METTL25: variants seen among roughly 807,000 people sequenced by gnomAD.
METTL25 encodes methyltransferase like 25.
In METTL25, 64 loss-of-function variants were observed where a neutral mutation model predicts 71.6. The ratio of observed to expected loss-of-function variants is 0.89; its 90% CI spans 0.73 to 1.10. The LOEUF (loss-of-function observed/expected upper bound fraction) is 1.10. Among genes scored for constraint, METTL25 ranks in the 50% least tolerant of loss-of-function variants. The probability of loss-of-function intolerance (pLI) is 0.00; values close to 1 mark genes in which losing one functional copy is unlikely to be tolerated. For synonymous variants in METTL25, 287 were observed against 250.3 expected (o/e 1.15, Z -1.38); for missense variants, 807 against 707.0 (o/e 1.14, Z -1.60).
intron 5 of METTL25, among the ~76,000 whole-genome samples, chr12:82,423,625 A>G (rs1444926746): frequency 6.6e-6 from 1 of 152,186 alleles, no homozygotes; most frequent in Admixed American, 6.5e-5. Flanking sequence ...ATGGGAGAAA[A>G]TTTTTGCAAT....
intron 1 of METTL25, among the ~76,000 whole-genome samples, chr12:82,371,594 C>A (rs1310110663): frequency 6.6e-6 from 1 of 152,102 alleles, no homozygotes; most frequent in Non-Finnish European, 1.5e-5. Context: ...CGGACTGTTC[C>A]TCTTGTTCCC....
intron 8 of METTL25, among the ~76,000 whole-genome samples, chr12:82,440,271 G>A (rs1366492551): frequency 6.6e-6 from 1 of 151,770 alleles, no homozygotes; most frequent in Non-Finnish European, 1.5e-5. Flanking sequence ...AATGACTCTT[G>A]AAATATGTAA....
chr12:82,376,923 G>T (rs1565807859), intron 1 of METTL25, among the ~76,000 whole-genome samples: 1 of 152,098 alleles, frequency 6.6e-6, no homozygotes, highest in African/African-American at 2.4e-5. Context: ...AGACCAGCCT[G>T]CCCAATGTGG....
intron 1 of METTL25, chr12:82,373,896 C>T (rs1360207937): frequency 6.5e-6 from 1 of 152,728 alleles, no homozygotes; most frequent in African/African-American, 2.4e-5. Context: ...AATAGGTGCC[C>T]GGTATTAGCC....
chr12:82,469,581 C>T (rs1247247687), intron 9 of METTL25, among the ~76,000 whole-genome samples: 3 of 151,972 alleles, frequency 2.0e-5, no homozygotes, highest in South Asian at 2.1e-4. Flanking sequence ...TCCCAGGACA[C>T]GTGGGGATTA....
chr12:82,459,806 T>G (rs1276090057), intron 9 of METTL25: 1 of 152,152 alleles, frequency 6.6e-6, no homozygotes, highest in Non-Finnish European at 1.5e-5. Context: ...GGAAGATCAG[T>G]TACATGCAAA....
At chr12:82,414,410 A>G (rs1261255099) in intron 5 of METTL25, among the ~76,000 whole-genome samples, 5 of 152,190 alleles carry the variant, frequency 3.3e-5, no homozygotes, top group African/African-American at 1.2e-4. Context: ...CTTGCTGCCT[A>G]TAAGTAGTTA....
chr12:82,415,271 A>G (rs1887879806), intron 5 of METTL25, among the ~76,000 whole-genome samples: 3 of 152,112 alleles, frequency 2.0e-5, no homozygotes, highest in Admixed American at 2.0e-4. Context: ...TCTTCTTTAT[A>G]TACATCACAC....
intron 1 of METTL25, among the ~76,000 whole-genome samples, chr12:82,380,663 C>T (rs1033637227): frequency 1.8e-4 from 28 of 152,322 alleles, no homozygotes; most frequent in African/African-American, 6.7e-4. Flanking sequence ...AACCCTAGTT[C>T]TTCCTCGTTC....
Position 82,456,799 on chromosome 12 carries a change from G to T in METTL25, c.1551G>T (p.Lys517Asn). The T allele has an allele frequency of 6.3e-7, 1 of 1,596,314 alleles. No homozygotes were observed. The highest frequency in any genetic ancestry group is 1.3e-5 in the African/African-American group (1 of 74,358). ...FLDYVRRSLK[K>N]LGLDESKLPE... Reference sequence around the variant, plus strand: ...ATTATGTCAGACGGTCTCTAAAGAAGCTTGGATTAGATGAGTCCAAGGTCA... The same window carrying T: ...ATTATGTCAGACGGTCTCTAAAGAATCTTGGATTAGATGAGTCCAAGGTCA... Residue 517 changes from lysine (K) to asparagine (N), a missense_variant, in exon 9 of 12, where the codon AAG becomes AAT. Transcript: ENST00000248306.
intron 9 of METTL25, among the ~76,000 whole-genome samples, chr12:82,469,954 T>C (rs1000279924): frequency 6.6e-6 from 1 of 152,170 alleles, no homozygotes; most frequent in Admixed American, 6.5e-5. Context: ...TTCTCATTTT[T>C]TATGCTAAAA....
At chr12:82,423,417 T>C (rs1276128699) in intron 5 of METTL25, among the ~76,000 whole-genome samples, 1 of 152,184 alleles carries the variant, frequency 6.6e-6, no homozygotes, top group Non-Finnish European at 1.5e-5. Context: ...ACTTACATGT[T>C]AGACCGAAAA....
intron 8 of METTL25, chr12:82,439,842 T>C: frequency 1.1e-6 from 1 of 946,534 alleles, no homozygotes; most frequent in African/African-American, 1.9e-5. Flanking sequence ...CTGCCTTCTT[T>C]AAAGACCTCA....
At chr12:82,421,659 A>G (rs1736029563) in intron 5 of METTL25, among the ~76,000 whole-genome samples, 1 of 152,170 alleles carries the variant, frequency 6.6e-6, no homozygotes, top group South Asian at 2.1e-4. Context: ...CAAGACTAAT[A>G]AAGAAGAAAA....
chr12:82,409,256 C>T (rs1415875947), intron 5 of METTL25, among the ~76,000 whole-genome samples: 1 of 152,092 alleles, frequency 6.6e-6, no homozygotes, highest in Non-Finnish European at 1.5e-5. Context: ...AATATTTTTA[C>T]ATTATAAGCC....
intron 7 of METTL25, among the ~76,000 whole-genome samples, chr12:82,435,448 G>T (rs934132572): frequency 6.6e-6 from 1 of 151,376 alleles, no homozygotes; most frequent in Non-Finnish European, 1.5e-5. Flanking sequence ...TAAGCATTTT[G>T]TATGTAATTA....
At chr12:82,455,768 T>C (rs1401551803) in intron 8 of METTL25, among the ~76,000 whole-genome samples, 3 of 151,848 alleles carry the variant, frequency 2.0e-5, no homozygotes, top group Admixed American at 6.6e-5. Context: ...GCCCTGATGG[T>C]TTAAGGACTT....
intron 2 of METTL25, among the ~76,000 whole-genome samples, chr12:82,387,715 G>A (rs77168390): frequency 0.015 from 2,320 of 150,658 alleles, 52 homozygotes; most frequent in African/African-American, 0.053. Context: ...ACACACACGC[G>A]CACACACACA....
chr12:82,470,650 T>C (rs1892519178), intron 9 of METTL25, among the ~76,000 whole-genome samples: 1 of 152,146 alleles, frequency 6.6e-6, no homozygotes, highest in Non-Finnish European at 1.5e-5. Flanking sequence ...GCAAGTATTA[T>C]AGTGTTTGAA....
Sources: allele counts gnomAD v4.1 joint callset (sites outside exome capture counted in the v4.1 genomes callset), GRCh38; gene constraint gnomAD v4.1.1; transcripts MANE v1.5; gene names NCBI Gene and HGNC (gene_info 2026-07-23, HGNC 2026-07-21).